The following SLC1A6 variants were observed in gnomAD, a reference collection of about 807,000 sequenced individuals.
SLC1A6 encodes excitatory amino acid transporter 4.
Under a neutral mutation model 42.1 loss-of-function variants are expected in SLC1A6, and 15 were observed. The ratio of observed to expected loss-of-function variants is 0.36; its 90% CI spans 0.24 to 0.55. The LOEUF is 0.55. SLC1A6 is among the 20% of genes least tolerant of loss of function. The pLI is 0.88. For synonymous variants in SLC1A6, 317 were observed against 319.7 expected (o/e 0.99, Z 0.09); for missense variants, 542 against 772.5 (o/e 0.70, Z 3.54).
intron 8 of SLC1A6, among the ~76,000 whole-genome samples, chr19:14,953,394 C>T (rs2045431555): frequency 1.3e-5 from 2 of 151,772 alleles, no homozygotes; most frequent in African/African-American, 4.8e-5. Context: ...TAGCTGGGAC[C>T]ACAGGCACAT....
intron 1 of SLC1A6, among the ~76,000 whole-genome samples, chr19:15,010,003 C>T (rs1326896592): frequency 2.6e-5 from 3 of 114,778 alleles, no homozygotes; most frequent in South Asian, 3.4e-4. Context: ...CATGGCGAAA[C>T]CCCGTCTCTA....
At chr19:14,991,436 A>G (rs1248483276) in intron 1 of SLC1A6, among the ~76,000 whole-genome samples, 1 of 152,158 alleles carries the variant, frequency 6.6e-6, no homozygotes, top group Non-Finnish European at 1.5e-5. Flanking sequence ...CCCCCTGGCC[A>G]GCATGGTGAA....
chr19:14,962,568 T>C (rs2045526620), intron 5 of SLC1A6, among the ~76,000 whole-genome samples: 1 of 152,142 alleles, frequency 6.6e-6, no homozygotes, highest in African/African-American at 2.4e-5. Context: ...AATGAATCAG[T>C]AAACCCATTA....
At chr19:14,966,694 C>T (rs2045577445) in intron 4 of SLC1A6, among the ~76,000 whole-genome samples, 1 of 151,948 alleles carries the variant, frequency 6.6e-6, no homozygotes, top group Non-Finnish European at 1.5e-5. Flanking sequence ...TACTATGCAG[C>T]CATAAAAAAG....
chr19:14,989,684 C>A (rs1327797711), intron 1 of SLC1A6, among the ~76,000 whole-genome samples: 1 of 151,840 alleles, frequency 6.6e-6, no homozygotes, highest in Non-Finnish European at 1.5e-5. Flanking sequence ...AAAACAAAAA[C>A]AGTATGGAGG....
At position 14,972,927 on chromosome 19, in the gene SLC1A6, A is replaced by G; in HGVS notation, c.-7-10T>C. ...GCTGCTCATGGTCTATCTGCGGGAA[A>G]CAGAGAAGCCTGGGGCTGGTGAGGG... On this transcript the variant is annotated splice_polypyrimidine_tract_variant and intron_variant, in intron 1 of 9. Coordinates refer to ENST00000594383, the MANE Select transcript of SLC1A6 (RefSeq NM_005071.3). The G allele has an allele frequency of 1.3e-6, 2 of 1,553,052 alleles. No homozygotes were observed. The highest frequency in any genetic ancestry group is 1.7e-6 in the Non-Finnish European group (2 of 1,146,452).
chr19:14,969,132 G>A (rs144721011), intron 3 of SLC1A6, among the ~76,000 whole-genome samples: 4 of 152,218 alleles, frequency 2.6e-5, no homozygotes, highest in Admixed American at 6.5e-5. Context: ...GAGCCACTGC[G>A]CCTGGCCCAT....
intron 1 of SLC1A6, among the ~76,000 whole-genome samples, chr19:14,998,885 T>C (rs12981543): frequency 0.098 from 14,771 of 150,816 alleles, 898 homozygotes; most frequent in East Asian, 0.2. Flanking sequence ...TATTTATTTA[T>C]TTATTTATTT....
At chr19:14,989,450 G>C (rs1013730038) in intron 1 of SLC1A6, among the ~76,000 whole-genome samples, 1 of 151,636 alleles carries the variant, frequency 6.6e-6, no homozygotes, top group South Asian at 2.1e-4. Flanking sequence ...TAGTAGAGAC[G>C]GGGTTTCTCC....
chr19:14,992,424 C>G (rs2045824873), intron 1 of SLC1A6, among the ~76,000 whole-genome samples: 1 of 152,058 alleles, frequency 6.6e-6, no homozygotes, highest in Non-Finnish European at 1.5e-5. Context: ...AGAGGTTAAG[C>G]AGCAGGCCTC....
chr19:14,968,392 G>A lies in SLC1A6; in HGVS notation c.459C>T (p.Ile153=). 2 of 1,613,878 alleles carry A rather than the reference G, an allele frequency of 1.2e-6. No homozygotes were observed. Among genetic ancestry groups the A allele is most frequent in the Non-Finnish European group, 8.5e-7 (1 of 1,179,920 alleles). Reference sequence around the variant, plus strand: ...CCTCCTTGGAGCCCTTCCCGGGATGGATGATGGTGACCATGAGGATGCCGA... The same window carrying A: ...CCTCCTTGGAGCCCTTCCCGGGATGAATGATGGTGACCATGAGGATGCCGA... The part of the protein sequence containing the change: ...VFIGILMVTI[I]HPGKGSKEGL... Residue 153 remains isoleucine (I), a synonymous_variant, in exon 4 of 10, where the codon ATC becomes ATT. Transcript: ENST00000594383.
Position 15,008,018 on chromosome 19 carries a change from T to C in SLC1A6, c.6+2467A>G, listed in dbSNP as rs1356926445. On this transcript the variant is annotated intron_variant, in intron 1 of 8. Coordinates refer to the SLC1A6 transcript ENST00000430939. The stretch of plus-strand genomic sequence containing the variant: ...CCAGCTTGGGAAACAAGATCAAAAG[T>C]CTGCCCCCCCCCCAAAAAAAAACCA... Among the ~76,000 whole-genome samples, 3 of 114,556 alleles carry C rather than the reference T, an allele frequency of 2.6e-5. No individual in the cohort carries two copies. In the Admixed American group the frequency reaches 2.7e-4, roughly 10 times the overall value. 75.2% of individuals were successfully genotyped at this position (114,556 alleles called of 152,430 possible).
chr19:14,989,435 A>G (rs1033970133), intron 1 of SLC1A6, among the ~76,000 whole-genome samples: 1 of 151,590 alleles, frequency 6.6e-6, no homozygotes, highest in Admixed American at 6.6e-5. Context: ...CTAATTTTGT[A>G]TTTTTAGTAG....
intron 1 of SLC1A6, among the ~76,000 whole-genome samples, chr19:14,985,544 G>C (rs1292756028): frequency 6.6e-6 from 1 of 152,180 alleles, no homozygotes; most frequent in Non-Finnish European, 1.5e-5. Flanking sequence ...ATGACTGGAA[G>C]CTGCCTGAGG....
chr19:14,989,497 G>C (rs947353620), intron 1 of SLC1A6, among the ~76,000 whole-genome samples: 18 of 151,886 alleles, frequency 1.2e-4, no homozygotes, highest in African/African-American at 3.6e-4. Context: ...CCGACCTCAG[G>C]TGATCCGCCC....
intron 1 of SLC1A6, among the ~76,000 whole-genome samples, chr19:14,991,853 T>TTTA (rs1555709975): frequency 1.3e-5 from 2 of 149,706 alleles, no homozygotes; most frequent in African/African-American, 4.9e-5. Context: ...TTTTTTTTTT[T>TTTA]TCTAGAGGGA....
Position 14,962,086 on chromosome 19 carries a change from C to T in SLC1A6, c.851G>A (p.Gly284Asp). Residue 284 changes from glycine to aspartate, a missense_variant, in exon 6 of 10, where the codon GGC (glycine) becomes GAC (aspartate). Coordinates refer to ENST00000594383, the MANE Select transcript of SLC1A6 (RefSeq NM_005071.3). ...FSVAFGLVIG[G>D]MKHKGRVLRD... ...GAGGACTCTGCCCTTGTGTTTCATG[C>T]CACCAATGACCAGCCCAAAGGCCAC... 2 of 1,614,206 alleles carry T rather than the reference C, an allele frequency of 1.2e-6. No homozygotes were observed. Among genetic ancestry groups the T allele is most frequent in the Non-Finnish European group, 8.5e-7 (1 of 1,180,030 alleles).
At position 14,979,256 on chromosome 19, in the gene SLC1A6, G is replaced by C. The variant is rs1279242558; in HGVS notation, c.-8+53C>G. The C allele has an allele frequency of 6.6e-6, 1 of 152,378 alleles. No individual in the cohort carries two copies. Among genetic ancestry groups the C allele is most frequent in the Non-Finnish European group, 1.5e-5 (1 of 68,200 alleles). The allele number at this position is 152,378 out of a possible 1,614,324, so 9.4% of individuals were successfully genotyped here. ...TGTGCGGAGGCCACGGGTTGGGGAG[G>C]TGGGGAGACGGGCAGGGAGACCCGG... On this transcript the variant is annotated intron_variant, in intron 1 of 9. Coordinates refer to ENST00000594383, the MANE Select transcript of SLC1A6 (RefSeq NM_005071.3). The surrounding 1 kb of genome is among the most constrained non-coding windows in gnomAD (Gnocchi z 4.2).
chr19:14,963,711 G>A (rs2045541424), intron 5 of SLC1A6, among the ~76,000 whole-genome samples: 1 of 152,148 alleles, frequency 6.6e-6, no homozygotes, highest in Non-Finnish European at 1.5e-5. Context: ...CCTGAGCAAT[G>A]CTTAACCAGA....
Sources: gnomAD v4.1 joint callset for allele counts (sites outside exome capture counted in the v4.1 genomes callset) on GRCh38, gnomAD v4.1.1 for gene constraint, Gnocchi (gnomAD v3.1) non-coding constraint, MANE v1.5 for transcripts, NCBI Gene and HGNC (gene_info 2026-07-23, HGNC 2026-07-21) for gene names.